The following MRPL27 variants were observed in gnomAD, a reference collection of about 807,000 sequenced individuals.
The protein encoded by MRPL27 is mitochondrial ribosomal protein L27, also known as large ribosomal subunit protein bL27m.
In MRPL27, 4 loss-of-function variants were observed where a neutral mutation model predicts 14.6. That is an observed-to-expected ratio of 0.27 (90% CI 0.14 to 0.63). MRPL27 has a LOEUF of 0.63. Among genes scored for constraint, MRPL27 ranks in the 20% least tolerant of loss-of-function variants. The pLI, the probability that MRPL27 is intolerant of heterozygous loss-of-function variation, is 0.85. For synonymous variants in MRPL27, 82 were observed against 75.5 expected (o/e 1.09, Z -0.45); for missense variants, 196 against 192.8 (o/e 1.02, Z -0.10).
chr17:50,370,190 G>T, intron 2 of MRPL27, 91 bp from the exon 3 acceptor site: 2 of 1,367,494 alleles, frequency 1.5e-6, no homozygotes, highest in East Asian at 2.3e-5. Flanking sequence ...CTCCAAGCCT[G>T]CCCCTGGCCA....
intron 1 of MRPL27, chr17:50,370,954 T>C (rs2143278034): frequency 5.8e-6 from 1 of 172,888 alleles, no homozygotes; most frequent in African/African-American, 2.4e-5. Context: ...GCCCAGTACA[T>C]CCAGAAAGGC....
rs768040080 is a variant in MRPL27, at chr17:50,373,139, C to G, written c.32G>C (p.Arg11Pro). The G allele has an allele frequency of 3.0e-5, 49 of 1,614,066 alleles. No homozygotes were observed. The highest frequency in any genetic ancestry group is 4.0e-5 in the Non-Finnish European group (47 of 1,180,054). ...CTACTGCGTCCCATTACCGGCTGTCCGGGTCCTCAGCGCCAACACCACCGA... is the reference window on the plus strand; with the variant it reads ...CTACTGCGTCCCATTACCGGCTGTCGGGGTCCTCAGCGCCAACACCACCGA... The part of the protein sequence containing the change: MASVVLALRT[R>P]TAVTSLLSPT... Residue 11 changes from arginine (R) to proline (P), a missense_variant, in exon 1 of 4, where the codon CGG (arginine) becomes CCG (proline). Coordinates refer to ENST00000225969, the MANE Select transcript of MRPL27 (RefSeq NM_016504.3).
chr17:50,373,023 C>G (rs1327556864), intron 1 of MRPL27, 108 bp downstream of exon 1: 1 of 1,496,958 alleles, frequency 6.7e-7, no homozygotes, highest in Non-Finnish European at 9.1e-7. Context: ...CACACTTCCC[C>G]TCGCATCCAA....
intron 3 of MRPL27, 142 bp downstream of exon 3, chr17:50,369,890 T>A: frequency 1.1e-6 from 1 of 938,932 alleles, no homozygotes; most frequent in South Asian, 1.5e-5. Flanking sequence ...AAGGAAGAAA[T>A]GAGATCGTGT....
intron 2 of MRPL27, 115 bp from the exon 3 acceptor site, chr17:50,370,214 G>C: frequency 8.2e-7 from 1 of 1,222,158 alleles, no homozygotes; most frequent in South Asian, 1.4e-5. Flanking sequence ...ACAACTCCCA[G>C]ACAGTCCAAC....
At chr17:50,371,635 C>T (rs1913147070) in intron 1 of MRPL27, among the ~76,000 whole-genome samples, 2 of 152,292 alleles carry the variant, frequency 1.3e-5, no homozygotes, top group South Asian at 4.1e-4. Flanking sequence ...TTGTGGGTCT[C>T]TGGAGCCTAT....
rs1913012564 is a variant in MRPL27, at chr17:50,368,055, T to C, written c.*37A>G. The C allele has an allele frequency of 1.2e-6, 2 of 1,610,320 alleles. No individual in the cohort carries two copies. The highest frequency in any genetic ancestry group is 1.7e-6 in the Non-Finnish European group (2 of 1,177,124). ...TCTGGTATCACCATCTCCTGTCACC[T>C]GGGCTCCAGTCTCTGTCCGATGGCC... On this transcript the variant is annotated 3_prime_UTR_variant, in exon 4 of 4. Coordinates refer to ENST00000225969, the MANE Select transcript of MRPL27 (RefSeq NM_016504.3).
intron 3 of MRPL27, chr17:50,368,504 C>G: frequency 3.2e-6 from 2 of 615,506 alleles, no homozygotes; most frequent in Non-Finnish European, 5.7e-6. Context: ...GAAAAGAAAG[C>G]TCCAACAGCC....
chr17:50,372,712 G>T (rs1913208200), intron 1 of MRPL27, among the ~76,000 whole-genome samples: 1 of 152,162 alleles, frequency 6.6e-6, no homozygotes, highest in Non-Finnish European at 1.5e-5. Flanking sequence ...AGAACCGTTC[G>T]GGGGCTAGAA....
chr17:50,369,594 C>T (rs1913064911), intron 3 of MRPL27: 1 of 207,686 alleles, frequency 4.8e-6, no homozygotes, highest in African/African-American at 2.4e-5. Flanking sequence ...TATCTTTCAA[C>T]CATCTGCAAG....
chr17:50,368,445 C>G, intron 3 of MRPL27, 147 bp from the exon 4 acceptor site: 1 of 757,258 alleles, frequency 1.3e-6, no homozygotes, highest in Admixed American at 2.6e-5. Flanking sequence ...TTCCCACTGG[C>G]TAGCACGTCC....
At position 50,367,868 on chromosome 17, in the gene MRPL27, G is replaced by T; in HGVS notation, c.*224C>A. 1 of 578,026 alleles carries T rather than the reference G, an allele frequency of 1.7e-6. No homozygotes were observed. The highest frequency in any genetic ancestry group is 3.1e-6 in the Non-Finnish European group (1 of 324,798). The allele number at this position is 578,026 out of a possible 1,614,324, so 35.8% of individuals were successfully genotyped here. Reference sequence around the variant, plus strand: ...TCACCAGGCAGTTCCATCCAGGTGTGTCCCTAAATAGCATGCGTTCATGAC... The same window carrying T: ...TCACCAGGCAGTTCCATCCAGGTGTTTCCCTAAATAGCATGCGTTCATGAC... On this transcript the variant is annotated 3_prime_UTR_variant, in exon 4 of 4. Coordinates refer to ENST00000225969, the MANE Select transcript of MRPL27 (RefSeq NM_016504.3).
intron 3 of MRPL27, chr17:50,369,107 C>T (rs1278940558): frequency 2.0e-6 from 1 of 494,828 alleles, no homozygotes; most frequent in Non-Finnish European, 3.6e-6. Context: ...AGTTACTTCA[C>T]TGTGCCTCTA....
chr17:50,368,792 T>C (rs1846229954), intron 3 of MRPL27: 1 of 697,834 alleles, frequency 1.4e-6, no homozygotes, highest in South Asian at 1.5e-5. Flanking sequence ...CATTAGCTAA[T>C]ACCCATGTAA....
chr17:50,370,400 A>G (rs973058670), intron 2 of MRPL27, 55 bp downstream of exon 2: 5 of 1,612,330 alleles, frequency 3.1e-6, no homozygotes, highest in Non-Finnish European at 4.2e-6. Context: ...CTGCTCTCCT[A>G]AGGAACATGA....
intron 2 of MRPL27, 173 bp from the exon 3 acceptor site, chr17:50,370,272 A>G (rs1213904215): frequency 2.6e-6 from 3 of 1,161,006 alleles, no homozygotes; most frequent in African/African-American, 3.1e-5. Context: ...CTCTAATTGC[A>G]TGGTTATGGC....
intron 1 of MRPL27, 174 bp from the exon 2 acceptor site, chr17:50,370,760 CT>C: frequency 6.9e-6 from 5 of 726,206 alleles, no homozygotes; most frequent in South Asian, 4.2e-5. Context: ...CCTTGGCTTT[CT>C]CCTTTTGGGG....
chr17:50,373,142 G>C lies in MRPL27; in HGVS notation c.29C>G (p.Thr10Ser), dbSNP rs147365593. Reference sequence around the variant, plus strand: ...CTGCGTCCCATTACCGGCTGTCCGGGTCCTCAGCGCCAACACCACCGACGC... The same window carrying C: ...CTGCGTCCCATTACCGGCTGTCCGGCTCCTCAGCGCCAACACCACCGACGC... MASVVLALR[T>S]RTAVTSLLSP... Residue 10 changes from threonine to serine, a missense_variant, in exon 1 of 4, where the codon ACC (threonine) becomes AGC (serine). By Grantham distance (58) the Thr-to-Ser change is moderately conservative. Coordinates refer to ENST00000225969, the MANE Select transcript of MRPL27 (RefSeq NM_016504.3). The C allele has an allele frequency of 3.2e-5, 51 of 1,613,934 alleles. No homozygotes were observed. Among genetic ancestry groups the C allele is most frequent in the Non-Finnish European group, 4.1e-5 (48 of 1,180,008 alleles).
chr17:50,369,122 T>C (rs1913050026), intron 3 of MRPL27: 1 of 483,888 alleles, frequency 2.1e-6, no homozygotes, highest in African/African-American at 2.0e-5. Context: ...CCTCTATTTT[T>C]TCGTCTGTCA....
Sources: allele counts gnomAD v4.1 joint callset (sites outside exome capture counted in the v4.1 genomes callset), GRCh38; gene constraint gnomAD v4.1.1; transcripts MANE v1.5; gene names NCBI Gene and HGNC (gene_info 2026-07-23, HGNC 2026-07-21).